NAV1: variants seen among roughly 807,000 people sequenced by gnomAD.
The protein encoded by NAV1 is neuron navigator 1.
A neutral mutation model predicts 175.2 loss-of-function variants in NAV1; 18 were observed. That is an observed-to-expected ratio of 0.10 (90% CI 0.07 to 0.15). The LOEUF (loss-of-function observed/expected upper bound fraction) is 0.15. NAV1 is among the 10% of genes least tolerant of loss of function. The pLI, the probability that NAV1 is intolerant of heterozygous loss-of-function variation, is 1.00. For missense variants in NAV1, 1,731 were observed against 2,436.6 expected, an observed-to-expected ratio of 0.71 and a Z score of 6.10; for synonymous variants, 897 against 978.7, an observed-to-expected ratio of 0.92 and a Z score of 1.56.
At chr1:201,690,737 G>T (rs1332608330) in intron 1 of NAV1, among the ~76,000 whole-genome samples, 1 of 150,668 alleles carries the variant, frequency 6.6e-6, no homozygotes, top group African/African-American at 2.4e-5. Flanking sequence ...CAGAGTGCTG[G>T]CTATTTCCTC....
chr1:201,764,124 G>T (rs577236518), intron 3 of NAV1, among the ~76,000 whole-genome samples: 1 of 152,152 alleles, frequency 6.6e-6, no homozygotes, highest in African/African-American at 2.4e-5. Context: ...TCTGATGGCA[G>T]TAAATCTGAA....
At chr1:201,824,270 C>G (rs574580870) in exon 30 of NAV1, 8 of 152,164 alleles carry the variant, frequency 5.3e-5, no homozygotes, top group African/African-American at 1.7e-4. Flanking sequence ...TGGGCTTTTG[C>G]AGAGGGTTTA....
At chr1:201,563,311 C>T (rs1035828660) in intron 1 of NAV1, among the ~76,000 whole-genome samples, 2 of 152,176 alleles carry the variant, frequency 1.3e-5, no homozygotes, top group Middle Eastern at 3.4e-3. Flanking sequence ...GCAGAGGGGG[C>T]GTTAACTCGT....
chr1:201,552,216 C>T (rs1665875993), intron 1 of NAV1, among the ~76,000 whole-genome samples: 1 of 152,238 alleles, frequency 6.6e-6, no homozygotes, highest in African/African-American at 2.4e-5. Context: ...TGGGAAAGGC[C>T]TCCCAGGGCA....
In NAV1 at chr1:201,688,056, G is replaced by A. The variant is rs141760172; in HGVS notation, c.758-24761G>A. On this transcript the variant is annotated intron_variant, in intron 1 of 29. Transcript: ENST00000367296. ...ATGTGTCAGATGAACTTGGTTGTAA[G>A]TTTTATTTAAACACTAAATTCTTTG... Among the ~76,000 whole-genome samples the A allele has an allele frequency of 6.6e-5, 10 of 152,324 alleles. No individual in the cohort carries two copies. The East Asian group carries it at 1.9e-3, about 30-fold the overall frequency.
chr1:201,803,858 T>C, intron 16 of NAV1, 144 bp downstream of exon 20: 2 of 1,115,568 alleles, frequency 1.8e-6, no homozygotes, highest in Non-Finnish European at 2.5e-6. Flanking sequence ...GCTCAGAGCA[T>C]GGTCTCCCAG....
At chr1:201,567,222 G>A (rs141691324) in intron 1 of NAV1, among the ~76,000 whole-genome samples, 39 of 152,336 alleles carry the variant, frequency 2.6e-4, no homozygotes, top group African/African-American at 8.9e-4. Context: ...GCTGCAGGGG[G>A]GAGTGGACAA....
intron 1 of NAV1, among the ~76,000 whole-genome samples, chr1:201,670,158 G>A (rs1374177853): frequency 6.6e-6 from 1 of 151,692 alleles, no homozygotes; most frequent in African/African-American, 2.4e-5. Flanking sequence ...TTGGGAGGCT[G>A]AGGCTGGCAG....
At chr1:201,604,242 G>T (rs1055461031) in intron 2 of NAV1, among the ~76,000 whole-genome samples, 2 of 152,132 alleles carry the variant, frequency 1.3e-5, no homozygotes, top group Non-Finnish European at 2.9e-5. Context: ...TTTTGTAGAG[G>T]TGGTGATCTT....
At chr1:201,769,324 C>T (rs753779805) in intron 3 of NAV1, among the ~76,000 whole-genome samples, 1 of 152,214 alleles carries the variant, frequency 6.6e-6, no homozygotes, top group Non-Finnish European at 1.5e-5. Flanking sequence ...AGATTACTCT[C>T]AGTCCCTGGG....
intron 2 of NAV1, among the ~76,000 whole-genome samples, chr1:201,593,289 G>C (rs1667257112): frequency 6.6e-6 from 1 of 152,190 alleles, no homozygotes; most frequent in African/African-American, 2.4e-5. Context: ...CTGTCAGCAA[G>C]TGGGGCTACT....
At chr1:201,573,402 G>A (rs994195907) in intron 1 of NAV1, among the ~76,000 whole-genome samples, 7 of 152,212 alleles carry the variant, frequency 4.6e-5, no homozygotes, top group African/African-American at 1.7e-4. Context: ...AAGGAAGGGA[G>A]GGGAATAAAA....
intron 1 of NAV1, among the ~76,000 whole-genome samples, chr1:201,649,727 G>C (rs1225807366): frequency 6.6e-6 from 1 of 152,230 alleles, no homozygotes; most frequent in Admixed American, 6.5e-5. Flanking sequence ...CTCAGAAATA[G>C]AGCCAGAATC....
rs1347908699 is a variant in NAV1, at chr1:201,690,056, A to C, written c.758-22761A>C. On this transcript the variant is annotated intron_variant, in intron 1 of 29. Transcript: ENST00000367296. ...GTGGCAGAATGTGTCTATTTCCTCC[A>C]TGGCCTGTCTGTGGCAGAGTGCTGG... is the stretch of plus-strand genomic sequence containing the variant. 2.5e-5 allele frequency among the ~76,000 whole-genome samples: 3 copies of C among 121,274 alleles called. No individual in the cohort carries two copies. The Admixed American group carries it at 2.6e-4, about 10-fold the overall frequency. 79.6% of individuals were successfully genotyped at this position (121,274 alleles called of 152,430 possible).
At chr1:201,725,736 G>A (rs376193069) in intron 3 of NAV1, among the ~76,000 whole-genome samples, 15 of 151,848 alleles carry the variant, frequency 9.9e-5, no homozygotes, top group East Asian at 1.9e-4. Flanking sequence ...AGAGAGGATC[G>A]CTTGAGACCA....
intron 2 of NAV1, among the ~76,000 whole-genome samples, chr1:201,632,992 T>G (rs899707553): frequency 8.5e-5 from 13 of 152,068 alleles, no homozygotes; most frequent in African/African-American, 2.9e-4. Flanking sequence ...GGAGAGAAGT[T>G]TGTTCTGGGG....
intron 2 of NAV1, among the ~76,000 whole-genome samples, chr1:201,613,102 T>C (rs892616759): frequency 3.3e-5 from 5 of 152,188 alleles, no homozygotes; most frequent in Non-Finnish European, 5.9e-5. Context: ...TCTGGACTCA[T>C]GCAGGTCATT....
intron 1 of NAV1, among the ~76,000 whole-genome samples, chr1:201,705,770 G>C (rs1430068000): frequency 6.6e-6 from 1 of 152,172 alleles, no homozygotes; most frequent in African/African-American, 2.4e-5. Context: ...GCGAAGAAAA[G>C]GATAGAGAGA....
chr1:201,719,491 C>G (rs1672279060), intron 3 of NAV1: 1 of 154,158 alleles, frequency 6.5e-6, no homozygotes, highest in Non-Finnish European at 1.5e-5. Context: ...TGTGCCTATG[C>G]CTTCCAACCT....
Sources: allele counts gnomAD v4.1 joint callset (sites outside exome capture counted in the v4.1 genomes callset), GRCh38; gene constraint gnomAD v4.1.1; transcripts MANE v1.5; gene names NCBI Gene and HGNC (gene_info 2026-07-23, HGNC 2026-07-21).